Variants in ITPKA observed in about 807,000 individuals in gnomAD.
ITPKA encodes inositol-trisphosphate 3-kinase A, also known as IP3 3-kinase A.
ITPKA carries 16 observed loss-of-function variants against 40.7 expected under a neutral mutation model. That is an observed-to-expected ratio of 0.39 (90% CI 0.27 to 0.60). The LOEUF is 0.60. Ranked by LOEUF, ITPKA falls within the 20% of genes least tolerant of loss-of-function variation. ITPKA has a pLI of 0.50. For missense variants in ITPKA, 540 were observed against 649.3 expected, an observed-to-expected ratio of 0.83 and a Z score of 1.83; for synonymous variants, 313 against 289.9, an observed-to-expected ratio of 1.08 and a Z score of -0.81.
At chr15:41,501,901 G>A in intron 3 of ITPKA, 50 bp downstream of exon 3, 2 of 1,595,732 alleles carry the variant, frequency 1.3e-6, no homozygotes, top group Non-Finnish European at 1.7e-6. Context: ...GGGGTCCGGG[G>A]CCGGGACAGC....
chr15:41,502,257 C>T, intron 4 of ITPKA, 56 bp downstream of exon 4: 1 of 1,510,816 alleles, frequency 6.6e-7, no homozygotes, highest in South Asian at 1.2e-5. Context: ...GCTGTCTTTC[C>T]CGATCCCCCG....
chr15:41,497,568 T>C (rs886638716), intron 1 of ITPKA, among the ~76,000 whole-genome samples: 1 of 151,932 alleles, frequency 6.6e-6, no homozygotes, highest in Non-Finnish European at 1.5e-5. Context: ...CTGGGGGAGG[T>C]ATCTCCCTAA....
At chr15:41,497,324 G>A (rs1039072166) in intron 1 of ITPKA, among the ~76,000 whole-genome samples, 39 of 152,312 alleles carry the variant, frequency 2.6e-4, no homozygotes, top group African/African-American at 8.9e-4. Context: ...CTTCTCCCGG[G>A]TTCAAGCGAT....
chr15:41,502,497 A>C lies in ITPKA; in HGVS notation c.1104A>C (p.Glu368Asp), dbSNP rs761372084. 4 of 1,563,102 alleles carry C rather than the reference A, an allele frequency of 2.6e-6. No homozygotes were observed. In the Admixed American group the frequency reaches 6.7e-5, roughly 26 times the overall value. Residue 368 changes from glutamate (E) to aspartate (D), a missense_variant, in exon 5 of 7, where the codon GAA (glutamate) becomes GAC (aspartate). Coordinates refer to ENST00000260386, the MANE Select transcript of ITPKA (RefSeq NM_002220.3). ...AAGAGTTTGTGCAAGGAGATGAGGA[A>C]GTGCTGGTGAGAGCGGGATCCCAAA... is the stretch of plus-strand genomic sequence containing the variant. ...VFEEFVQGDE[E>D]VLRRYLNRLQ...
At chr15:41,502,266 C>T (rs1002890930) in intron 4 of ITPKA, 65 bp downstream of exon 4, 9 of 1,486,466 alleles carry the variant, frequency 6.1e-6, no homozygotes, top group African/African-American at 1.4e-5. Context: ...CCCGATCCCC[C>T]GCTCCCGCCC....
intron 1 of ITPKA, among the ~76,000 whole-genome samples, chr15:41,496,356 TCTGCCTGC>T (rs1031645315): frequency 6.6e-6 from 1 of 152,192 alleles, no homozygotes; most frequent in Non-Finnish European, 1.5e-5. Flanking sequence ...CCAGGAAGTT[TCTGCCTGC>T]CTGCCTGCCT....
At chr15:41,496,222 C>T (rs2051069670) in intron 1 of ITPKA, among the ~76,000 whole-genome samples, 1 of 152,224 alleles carries the variant, frequency 6.6e-6, no homozygotes, top group Non-Finnish European at 1.5e-5. Flanking sequence ...CGGCCCAGGC[C>T]AATTTAGGGC....
chr15:41,500,662 C>A (rs1480389960), intron 1 of ITPKA, among the ~76,000 whole-genome samples: 1 of 152,114 alleles, frequency 6.6e-6, no homozygotes. Context: ...CTTACAGATG[C>A]ACAGAGGCTT....
At position 41,502,853 on chromosome 15, in the gene ITPKA, G is replaced by A; in HGVS notation, c.1176G>A (p.Arg392=). The A allele has an allele frequency of 6.2e-7, 1 of 1,612,826 alleles. No individual in the cohort carries two copies. Among genetic ancestry groups the A allele is most frequent in the Non-Finnish European group, 8.5e-7 (1 of 1,179,570 alleles). Residue 392 remains arginine, a synonymous_variant, in exon 6 of 7, where the codon AGG becomes AGA. Coordinates refer to ENST00000260386, the MANE Select transcript of ITPKA (RefSeq NM_002220.3). Reference sequence around the variant, plus strand: ...TGGAGGTATCCGAGTTCTTCAGGAGGCACGAGGTAAGCGGCGGCTGCCCGG... The same window carrying A: ...TGGAGGTATCCGAGTTCTTCAGGAGACACGAGGTAAGCGGCGGCTGCCCGG... ...DTLEVSEFFR[R]HEVIGSSLLF...
At chr15:41,495,901 A>T (rs2051067410) in intron 1 of ITPKA, among the ~76,000 whole-genome samples, 1 of 152,186 alleles carries the variant, frequency 6.6e-6, no homozygotes, top group Non-Finnish European at 1.5e-5. Flanking sequence ...GTGCGCTAGG[A>T]GGAGGTCCTG....
chr15:41,501,345 C>T (rs1595449615), intron 1 of ITPKA, 118 bp from the exon 2 acceptor site: 2 of 1,488,224 alleles, frequency 1.3e-6, no homozygotes, highest in East Asian at 4.9e-5. Context: ...ATTAATGACT[C>T]ATCCAGCCCC....
chr15:41,494,672 C>T lies in ITPKA; in HGVS notation c.489+256C>T, dbSNP rs1190283606. ...AGAAGCGGGGCGAGGAGCAGGCGAC[C>T]CGCCGCGGGGACTGGGCGAAGCGGG... On this transcript the variant is annotated intron_variant, in intron 1 of 6. Transcript: ENST00000260386. The surrounding 1 kb of genome is among the most constrained non-coding windows in gnomAD (Gnocchi z 7.8). 6.6e-6 allele frequency among the ~76,000 whole-genome samples: 1 copy of T among 152,008 alleles called. No individual in the cohort carries two copies. The highest frequency in any genetic ancestry group is 1.5e-5 in the Non-Finnish European group (1 of 67,970).
Position 41,503,385 on chromosome 15 carries a change from A to G in ITPKA, c.*219A>G, listed in dbSNP as rs770840402. On this transcript the variant is annotated 3_prime_UTR_variant, in exon 7 of 7. Transcript: ENST00000260386. ...CCAGAGCCAAATGACACTAACTTAT[A>G]GAAGGGGAGGGGGCAAAGGGCTTCT... 15 of 591,518 alleles carry G rather than the reference A, an allele frequency of 2.5e-5. No individual in the cohort carries two copies. The highest frequency in any genetic ancestry group is 1.1e-4 in the African/African-American group (6 of 53,590). The allele number at this position is 591,518 out of a possible 1,614,324, so 36.6% of individuals were successfully genotyped here.
At chr15:41,501,958 C>G (rs372233327) in intron 3 of ITPKA, 39 bp from the exon 4 acceptor site, 1,260 of 1,592,310 alleles carry the variant, frequency 7.9e-4, no homozygotes, top group Non-Finnish European at 1.0e-3. Context: ...TCTCCGTGTG[C>G]GCCCCCTCAT....
Position 41,503,537 on chromosome 15 carries a change from A to T in ITPKA, c.*371A>T, listed in dbSNP as rs1413872276. On this transcript the variant is annotated 3_prime_UTR_variant, in exon 7 of 7. Coordinates refer to ENST00000260386, the MANE Select transcript of ITPKA (RefSeq NM_002220.3). ...CACGACGGACTCCCCTTCCTAATAAAACTCAAAGACAAGATGCAGCTTCCT... is the reference window on the plus strand; with the variant it reads ...CACGACGGACTCCCCTTCCTAATAATACTCAAAGACAAGATGCAGCTTCCT... 3.5e-6 allele frequency: 2 copies of T among 578,724 alleles called. No homozygotes were observed. The highest frequency in any genetic ancestry group is 6.7e-6 in the Non-Finnish European group (2 of 299,714). The allele number at this position is 578,724 out of a possible 1,614,324, so 35.8% of individuals were successfully genotyped here.
At chr15:41,502,719 CTCA>C in intron 5 of ITPKA, 66 bp from the exon 6 acceptor site, 2 of 1,412,230 alleles carry the variant, frequency 1.4e-6, no homozygotes, top group Non-Finnish European at 1.9e-6. Context: ...GTCCCGGCTC[CTCA>C]TCGTTAGCAG....
chr15:41,503,346 G>T lies in ITPKA; in HGVS notation c.*180G>T. 1 of 606,534 alleles carries T rather than the reference G, an allele frequency of 1.6e-6. No individual in the cohort carries two copies. Among genetic ancestry groups the T allele is most frequent in the Non-Finnish European group, 2.9e-6 (1 of 343,072 alleles). 37.6% of individuals were successfully genotyped at this position (606,534 alleles called of 1,614,324 possible). A position where few individuals can be genotyped will look rare whatever the true frequency, so the allele number is the denominator to read the frequency against. ...CCGATGCCAGGGGTTTTGCCCACCC[G>T]GGCCCCAGCGTTCCCAGAGCCAAAT... On this transcript the variant is annotated 3_prime_UTR_variant, in exon 7 of 7. Coordinates refer to ENST00000260386, the MANE Select transcript of ITPKA (RefSeq NM_002220.3).
At chr15:41,501,255 G>T in intron 1 of ITPKA, 1 of 939,108 alleles carries the variant, frequency 1.1e-6, no homozygotes, top group Non-Finnish European at 1.3e-6. Flanking sequence ...CACTGGAGAC[G>T]CTGGAATCAC....
chr15:41,500,656 C>G (rs1174773852), intron 1 of ITPKA, among the ~76,000 whole-genome samples: 1 of 152,158 alleles, frequency 6.6e-6, no homozygotes, highest in Non-Finnish European at 1.5e-5. Flanking sequence ...CTTTTTCTTA[C>G]AGATGCACAG....
Sources: gnomAD v4.1 joint callset for allele counts (sites outside exome capture counted in the v4.1 genomes callset) on GRCh38, gnomAD v4.1.1 for gene constraint, Gnocchi (gnomAD v3.1) non-coding constraint, MANE v1.5 for transcripts, NCBI Gene and HGNC (gene_info 2026-07-23, HGNC 2026-07-21) for gene names.